Variants in LRRIQ1 observed in about 807,000 individuals in gnomAD.
The protein encoded by LRRIQ1 is leucine-rich repeat- and IQ domain-containing protein 1.
Under a neutral mutation model 211.9 loss-of-function variants are expected in LRRIQ1, and 210 were observed. The observed-to-expected ratio is 0.99, with a 90% CI of 0.89 to 1.11. The LOEUF (loss-of-function observed/expected upper bound fraction) is 1.11. Among genes scored for constraint, LRRIQ1 ranks in the 50% most tolerant of loss-of-function variants. The pLI is 0.00. For synonymous variants in LRRIQ1, 699 were observed against 650.1 expected (o/e 1.08, Z -1.14); for missense variants, 2,136 against 1,939.5 (o/e 1.10, Z -1.90).
intron 13 of LRRIQ1, among the ~76,000 whole-genome samples, chr12:85,102,174 G>A (rs1361407158): frequency 2.0e-5 from 3 of 151,384 alleles, no homozygotes; most frequent in South Asian, 2.1e-4. Flanking sequence ...GAACGTGCTT[G>A]AATAGGAAAT....
chr12:85,256,454 T>C (rs1354038534), intron 1 of LRRIQ1, among the ~76,000 whole-genome samples: 1 of 151,674 alleles, frequency 6.6e-6, no homozygotes, highest in African/African-American at 2.4e-5. Context: ...ATGAAATGCA[T>C]TTGTCGAATG....
In LRRIQ1 at chr12:85,241,414, A is replaced by G. The variant is rs781581997; in HGVS notation, c.5017-3375A>G. Among the ~76,000 whole-genome samples the G allele has an allele frequency of 2.0e-5, 3 of 152,040 alleles. 1 individual carries two copies. In the South Asian group the frequency reaches 6.2e-4, roughly 31 times the overall value. On this transcript the variant is annotated intron_variant, in intron 26 of 26. Transcript: ENST00000393217. ...ATGAATTTAGGAGTATGCATAATTCATTTTCTTTACATGAAGTTAAAAAGC... is the reference window on the plus strand; with the variant it reads ...ATGAATTTAGGAGTATGCATAATTCGTTTTCTTTACATGAAGTTAAAAAGC...
chr12:85,099,921 A>G (rs1886217296), intron 13 of LRRIQ1, among the ~76,000 whole-genome samples: 1 of 151,744 alleles, frequency 6.6e-6, no homozygotes, highest in South Asian at 2.1e-4. Context: ...AATCCCCTCA[A>G]ATTACTTTAA....
intron 25 of LRRIQ1, among the ~76,000 whole-genome samples, chr12:85,229,892 T>G (rs1894850985): frequency 6.6e-6 from 1 of 152,200 alleles, no homozygotes; most frequent in African/African-American, 2.4e-5. Context: ...GCCACAAAAA[T>G]AATTCTACTC....
At chr12:85,075,912 A>C (rs1883596800) in intron 11 of LRRIQ1, among the ~76,000 whole-genome samples, 1 of 152,062 alleles carries the variant, frequency 6.6e-6, no homozygotes, top group South Asian at 2.1e-4. Context: ...CAAAGAAGTA[A>C]AGTAGATTAT....
Position 85,044,827 on chromosome 12 carries a change from G to T in LRRIQ1, c.336+18G>T. On this transcript the variant is annotated intron_variant, in intron 4 of 26. Coordinates refer to ENST00000393217, the MANE Select transcript of LRRIQ1 (RefSeq NM_001079910.2). ...TAATTAAGGTATATATTCAATATTT[G>T]ACTTAAAATATTCACTATTACAATT... 2.6e-6 allele frequency: 3 copies of T among 1,149,102 alleles called. No individual in the cohort carries two copies. The South Asian group carries it at 4.5e-5, about 17-fold the overall frequency. 71.2% of individuals were successfully genotyped at this position (1,149,102 alleles called of 1,614,324 possible).
intron 1 of LRRIQ1, among the ~76,000 whole-genome samples, chr12:85,257,974 C>T (rs1896170358): frequency 6.6e-6 from 1 of 151,738 alleles, no homozygotes; most frequent in South Asian, 2.1e-4. Flanking sequence ...TATTATAAGG[C>T]AGCCTCAGAG....
intron 11 of LRRIQ1, among the ~76,000 whole-genome samples, chr12:85,079,066 A>C (rs904801527): frequency 2.0e-5 from 3 of 152,026 alleles, no homozygotes; most frequent in African/African-American, 7.2e-5. Context: ...CAAGTCATGT[A>C]GCCTCTGGAA....
chr12:85,113,442 C>T (rs1887329614), intron 15 of LRRIQ1, among the ~76,000 whole-genome samples: 1 of 151,976 alleles, frequency 6.6e-6, no homozygotes, highest in Non-Finnish European at 1.5e-5. Flanking sequence ...TAATCTAAAA[C>T]AGCCAACTAA....
intron 24 of LRRIQ1, among the ~76,000 whole-genome samples, chr12:85,175,807 G>C (rs1891671062): frequency 6.6e-6 from 1 of 152,168 alleles, no homozygotes; most frequent in Non-Finnish European, 1.5e-5. Flanking sequence ...TCAAAGATCA[G>C]ATAGTTGGAG....
intron 11 of LRRIQ1, among the ~76,000 whole-genome samples, chr12:85,077,734 G>A (rs1450611111): frequency 6.6e-6 from 1 of 152,082 alleles, no homozygotes; most frequent in Admixed American, 6.6e-5. Flanking sequence ...CACTTTGGGA[G>A]GCCAAGCTGG....
chr12:85,166,101 A>G (rs367711100), intron 24 of LRRIQ1, among the ~76,000 whole-genome samples: 1 of 152,128 alleles, frequency 6.6e-6, no homozygotes. Context: ...TCCTATTTTT[A>G]TTTATACATA....
At chr12:85,197,199 G>A (rs1892967569) in intron 24 of LRRIQ1, among the ~76,000 whole-genome samples, 1 of 152,030 alleles carries the variant, frequency 6.6e-6, no homozygotes, top group Non-Finnish European at 1.5e-5. Flanking sequence ...AGAGGATGTG[G>A]AGAAATAGGA....
chr12:85,131,098 C>T (rs1888724866), intron 18 of LRRIQ1, among the ~76,000 whole-genome samples: 1 of 149,874 alleles, frequency 6.7e-6, no homozygotes, highest in Non-Finnish European at 1.5e-5. Context: ...TGCCTGTAAA[C>T]TACTTGGGAG....
At chr12:85,166,424 A>T (rs934818550) in intron 24 of LRRIQ1, among the ~76,000 whole-genome samples, 3 of 152,256 alleles carry the variant, frequency 2.0e-5, no homozygotes, top group Non-Finnish European at 4.4e-5. Flanking sequence ...TGGTTTTATA[A>T]ACATATATTC....
intron 15 of LRRIQ1, among the ~76,000 whole-genome samples, chr12:85,121,133 A>G (rs946821682): frequency 4.6e-5 from 7 of 152,072 alleles, no homozygotes; most frequent in Admixed American, 2.6e-4. Flanking sequence ...AAAAATTGAT[A>G]TAGACTTTTG....
At position 85,124,231 on chromosome 12, in the gene LRRIQ1, G is replaced by C; in HGVS notation, c.3719G>C (p.Ser1240Thr). ...AQKNHLAPTN[S>T]DSTLQNGVFY... ...AAAAATCATTTGGCCCCTACAAACA[G>C]TGACAGCACTCTGCAAAATGGAGTC... The change falls in exon 17 of 27, where the codon AGT becomes ACT. Residue 1240 changes from serine (S) to threonine (T), a missense_variant. Coordinates refer to ENST00000393217, the MANE Select transcript of LRRIQ1 (RefSeq NM_001079910.2). The C allele has an allele frequency of 6.2e-7, 1 of 1,614,072 alleles. No homozygotes were observed. The highest frequency in any genetic ancestry group is 1.6e-4 in the Middle Eastern group (1 of 6,062).
chr12:85,135,139 G>A (rs972276361), intron 18 of LRRIQ1, among the ~76,000 whole-genome samples: 2 of 151,832 alleles, frequency 1.3e-5, no homozygotes, highest in African/African-American at 4.8e-5. Context: ...TTATTATACA[G>A]CAACTCCCTT....
chr12:85,170,554 G>A (rs1451688541), intron 24 of LRRIQ1, among the ~76,000 whole-genome samples: 1 of 150,536 alleles, frequency 6.6e-6, no homozygotes, highest in Admixed American at 6.6e-5. Context: ...ATACATATAT[G>A]TGTGTATATA....
Sources: gnomAD v4.1 joint callset for allele counts (sites outside exome capture counted in the v4.1 genomes callset) on GRCh38, gnomAD v4.1.1 for gene constraint, MANE v1.5 for transcripts, NCBI Gene and HGNC (gene_info 2026-07-23, HGNC 2026-07-21) for gene names.